The following NLGN4X variants were observed in gnomAD, a reference collection of about 807,000 sequenced individuals.
The protein encoded by NLGN4X is neuroligin-4, X-linked.
A neutral mutation model predicts 40.3 loss-of-function variants in NLGN4X; 3 were observed. The ratio of observed to expected loss-of-function variants is 0.07; its 90% CI spans 0.03 to 0.19. The LOEUF (loss-of-function observed/expected upper bound fraction) is 0.19, where lower values mean the gene tolerates loss of function less well. Ranked by LOEUF, NLGN4X falls within the 10% of genes least tolerant of loss-of-function variation. The probability of loss-of-function intolerance (pLI) is 1.00; values close to 1 mark genes in which losing one functional copy is unlikely to be tolerated. For missense variants in NLGN4X, 382 were observed against 708.3 expected (o/e 0.54, Z 5.23); for synonymous variants, 270 against 306.8 (o/e 0.88, Z 1.25).
At chrX:6,042,246 G>C (rs1462954593) in intron 2 of NLGN4X, among the ~76,000 whole-genome samples, 1 of 111,377 alleles carries the variant, frequency 9.0e-6, no homozygotes, top group Non-Finnish European at 1.9e-5. Context: ...GCTGGATTTA[G>C]CAATAATTGA....
chrX:5,941,176 AG>A (rs200390860), intron 3 of NLGN4X, among the ~76,000 whole-genome samples: 1 of 24,764 alleles, frequency 4.0e-5, no homozygotes, highest in South Asian at 3.4e-3. Flanking sequence ...ATCGTATGCT[AG>A]GGGGTGTGTG....
intron 3 of NLGN4X, among the ~76,000 whole-genome samples, chrX:5,913,522 C>A (rs1385797678): frequency 8.9e-6 from 1 of 111,767 alleles, no homozygotes; most frequent in Non-Finnish European, 1.9e-5. Flanking sequence ...GCATTTTAGC[C>A]GATGAAATTT....
chrX:6,026,917 T>TA lies in NLGN4X; in HGVS notation c.625+2362dup, dbSNP rs200175059. 4.9e-3 allele frequency among the ~76,000 whole-genome samples: 532 copies of TA among 107,781 alleles called. 5 individuals carry two copies. Among genetic ancestry groups the TA allele is most frequent in the African/African-American group, 0.017 (488 of 29,536 alleles). The allele number at this position is 107,781 out of a possible 115,157, so 93.6% of individuals were successfully genotyped here. A position where few individuals can be genotyped will look rare whatever the true frequency, so the allele number is the denominator to read the frequency against. ...TTGATTCACGAAGGGACAAAACTGATAAAAAAAAAATCATAGTGTAGAGTT... is the reference window on the plus strand; with the variant it reads ...TTGATTCACGAAGGGACAAAACTGATAAAAAAAAAAATCATAGTGTAGAGTT... On this transcript the variant is annotated intron_variant, in intron 3 of 5. Coordinates refer to ENST00000381095, the MANE Select transcript of NLGN4X (RefSeq NM_181332.3).
intron 1 of NLGN4X, among the ~76,000 whole-genome samples, chrX:6,162,020 T>C (rs2040411356): frequency 8.9e-6 from 1 of 112,085 alleles, no homozygotes; most frequent in African/African-American, 3.2e-5. Context: ...CATGCCTTTA[T>C]GCTACAGATA....
rs529573810 is a variant in NLGN4X, at chrX:5,968,457, CTGTGTGTGTGTGTGTG to C, written c.626-59234_626-59219del. Among the ~76,000 whole-genome samples, 180 of 46,975 alleles carry C rather than the reference CTGTGTGTGTGTGTGTG, an allele frequency of 3.8e-3. 14 individuals carry two copies. Among genetic ancestry groups the C allele is most frequent in the Admixed American group, 4.7e-3 (15 of 3,213 alleles). The allele number at this position is 46,975 out of a possible 115,157, so 40.8% of individuals were successfully genotyped here. On this transcript the variant is annotated intron_variant, in intron 3 of 5. Transcript: ENST00000381095. ...AGTACCCCTCTCTCTCTCTCTCTCT[CTGTGTGTGTGTGTGTG>C]TGTGTGTGTGTGTGTGTGTGTGTGT...
chrX:6,042,730 T>TGTATATATAC (rs2037200360), intron 2 of NLGN4X, among the ~76,000 whole-genome samples: 1 of 20,149 alleles, frequency 5.0e-5, no homozygotes, highest in Non-Finnish European at 9.1e-5. Flanking sequence ...TATATATATA[T>TGTATATATAC]ACACACACAC....
chrX:6,092,735 GAAAT>G (rs1008560523), intron 2 of NLGN4X, among the ~76,000 whole-genome samples: 1 of 111,529 alleles, frequency 9.0e-6, no homozygotes, highest in African/African-American at 3.3e-5. Context: ...ACATAGAAAT[GAAAT>G]AAATAAAAAC....
chrX:6,173,729 G>T (rs766811626), intron 1 of NLGN4X, among the ~76,000 whole-genome samples: 1 of 111,815 alleles, frequency 8.9e-6, no homozygotes, highest in Non-Finnish European at 1.9e-5. Flanking sequence ...TTGAACCTTA[G>T]CATAAAAACT....
chrX:6,071,191 A>G (rs1481225532), intron 2 of NLGN4X, among the ~76,000 whole-genome samples: 3 of 111,800 alleles, frequency 2.7e-5, no homozygotes, highest in African/African-American at 9.8e-5. Flanking sequence ...AGACTTACCC[A>G]TATGAAACAG....
Position 6,111,488 on chromosome X carries a change from C to T in NLGN4X, c.472+39507G>A, listed in dbSNP as rs146146063. On this transcript the variant is annotated intron_variant, in intron 2 of 5. Coordinates refer to ENST00000381095, the MANE Select transcript of NLGN4X (RefSeq NM_181332.3). ...GCAAAGTGGCTCATACCTGTAATCC[C>T]AACACTTTAGGAGGTCAAGGCAGGA... 2.7e-5 allele frequency among the ~76,000 whole-genome samples: 3 copies of T among 111,575 alleles called. No individual in the cohort carries two copies. The East Asian group carries it at 8.5e-4, about 32-fold the overall frequency.
In NLGN4X at chrX:6,032,716, C is replaced by T. The variant is rs748693273; in HGVS notation, c.473-3284G>A. 5.0e-6 allele frequency: 6 copies of T among 1,190,788 alleles called. No individual in the cohort carries two copies. The African/African-American group carries it at 1.1e-4, about 21-fold the overall frequency. On this transcript the variant is annotated intron_variant, in intron 2 of 5. Coordinates refer to ENST00000381095, the MANE Select transcript of NLGN4X (RefSeq NM_181332.3). Reference sequence around the variant, plus strand: ...CTTCGTCTTCACCACGGTCATTACTCGTTATATCATCTGCGTTTTTCTTTG... The same window carrying T: ...CTTCGTCTTCACCACGGTCATTACTTGTTATATCATCTGCGTTTTTCTTTG...
chrX:5,938,358 T>A (rs997584914), intron 3 of NLGN4X, among the ~76,000 whole-genome samples: 3 of 111,066 alleles, frequency 2.7e-5, no homozygotes, highest in African/African-American at 9.8e-5. Flanking sequence ...AAGATTAGGA[T>A]CAAAGGCCAT....
chrX:5,942,291 T>C (rs1438834486), intron 3 of NLGN4X, among the ~76,000 whole-genome samples: 1 of 110,148 alleles, frequency 9.1e-6, no homozygotes, highest in African/African-American at 3.3e-5. Flanking sequence ...AAAATAAAAA[T>C]AGACAAATTA....
chrX:5,939,281 T>C (rs1569142593), intron 3 of NLGN4X, among the ~76,000 whole-genome samples: 1 of 110,565 alleles, frequency 9.0e-6, no homozygotes, highest in East Asian at 2.8e-4. Context: ...ACATATTTAA[T>C]ATAATAAATG....
At chrX:6,038,113 G>T (rs1057071022) in intron 2 of NLGN4X, among the ~76,000 whole-genome samples, 5 of 111,952 alleles carry the variant, frequency 4.5e-5, no homozygotes, top group Non-Finnish European at 9.4e-5. Flanking sequence ...ATTCCAACGG[G>T]GCAGGAAAAT....
At chrX:6,036,795 G>T (rs1309663331) in intron 2 of NLGN4X, among the ~76,000 whole-genome samples, 1 of 110,926 alleles carries the variant, frequency 9.0e-6, no homozygotes. Flanking sequence ...TTAAAGAGAA[G>T]ATTTAAATAC....
chrX:6,058,852 C>A (rs1168330962), intron 2 of NLGN4X, among the ~76,000 whole-genome samples: 2 of 111,786 alleles, frequency 1.8e-5, no homozygotes, highest in African/African-American at 6.5e-5. Flanking sequence ...TACAACAGAA[C>A]ATGATATGGA....
intron 2 of NLGN4X, among the ~76,000 whole-genome samples, chrX:6,107,995 T>TA (rs2039068010): frequency 8.9e-6 from 1 of 111,763 alleles, no homozygotes; most frequent in South Asian, 3.7e-4. Flanking sequence ...CTATTGTAAA[T>TA]AGTGATTATT....
At chrX:5,950,896 G>C (rs1197436212) in intron 3 of NLGN4X, among the ~76,000 whole-genome samples, 2 of 111,923 alleles carry the variant, frequency 1.8e-5, no homozygotes, top group Non-Finnish European at 3.8e-5. Flanking sequence ...AAGTAGGACG[G>C]AGAAGAAACA....
Sources: allele counts gnomAD v4.1 joint callset (sites outside exome capture counted in the v4.1 genomes callset), GRCh38; gene constraint gnomAD v4.1.1; transcripts MANE v1.5; gene names NCBI Gene and HGNC (gene_info 2026-07-23, HGNC 2026-07-21).